The following DIAPH3 variants were observed in gnomAD, a reference collection of about 807,000 sequenced individuals.
DIAPH3 encodes the protein protein diaphanous homolog 3.
In DIAPH3, 117 loss-of-function variants were observed where a neutral mutation model predicts 144.3. The observed-to-expected ratio is 0.81, with a 90% CI of 0.70 to 0.95. DIAPH3 has a LOEUF of 0.95. Ranked by LOEUF, DIAPH3 falls within the 40% of genes least tolerant of loss-of-function variation. The pLI is 0.00. For missense variants in DIAPH3, 1,421 were observed against 1,412.7 expected, an observed-to-expected ratio of 1.01 and a Z score of -0.09; for synonymous variants, 519 against 488.9, an observed-to-expected ratio of 1.06 and a Z score of -0.81.
intron 27 of DIAPH3, among the ~76,000 whole-genome samples, chr13:59,693,046 G>T (rs2138698394): frequency 6.6e-6 from 1 of 152,246 alleles, no homozygotes; most frequent in African/African-American, 2.4e-5. Flanking sequence ...AGTTTTAGAG[G>T]GAAGGCAGTC....
At chr13:60,162,876 A>T (rs1267676872) in intron 1 of DIAPH3, among the ~76,000 whole-genome samples, 2 of 151,064 alleles carry the variant, frequency 1.3e-5, no homozygotes, top group African/African-American at 4.9e-5. Context: ...AAAATGGTGG[A>T]GTGGTCAATG....
At chr13:60,077,470 G>A (rs552212571) in intron 4 of DIAPH3, among the ~76,000 whole-genome samples, 4 of 152,120 alleles carry the variant, frequency 2.6e-5, no homozygotes, top group South Asian at 2.1e-4. Flanking sequence ...GAGATTACAC[G>A]CACACACAGT....
At chr13:59,924,122 T>G (rs1215822035) in intron 18 of DIAPH3, among the ~76,000 whole-genome samples, 1 of 152,216 alleles carries the variant, frequency 6.6e-6, no homozygotes, top group East Asian at 1.9e-4. Context: ...GTATATCATC[T>G]CTAAGCATAA....
chr13:60,107,264 GA>G (rs1216737495), intron 3 of DIAPH3, among the ~76,000 whole-genome samples: 9 of 144,976 alleles, frequency 6.2e-5, no homozygotes, highest in Non-Finnish European at 7.6e-5. Context: ...TATACAGACA[GA>G]AAAAAAAAAG....
At chr13:60,073,389 T>C (rs147985672) in intron 4 of DIAPH3, among the ~76,000 whole-genome samples, 17 of 152,244 alleles carry the variant, frequency 1.1e-4, no homozygotes, top group African/African-American at 4.1e-4. Flanking sequence ...TGGCATTTCC[T>C]AGTAAATGAA....
intron 20 of DIAPH3, among the ~76,000 whole-genome samples, chr13:59,910,218 T>C (rs1031994626): frequency 6.7e-6 from 1 of 149,780 alleles, no homozygotes; most frequent in African/African-American, 2.4e-5. Flanking sequence ...AAAAATGTAA[T>C]GCAAATTCTC....
At chr13:60,121,676 G>A (rs2058848408) in intron 2 of DIAPH3, among the ~76,000 whole-genome samples, 1 of 152,176 alleles carries the variant, frequency 6.6e-6, no homozygotes, top group Non-Finnish European at 1.5e-5. Context: ...GTTCCAAAGG[G>A]CAAAGTAGGA....
At chr13:59,989,776 T>C (rs1271978297) in intron 12 of DIAPH3, among the ~76,000 whole-genome samples, 2 of 151,908 alleles carry the variant, frequency 1.3e-5, no homozygotes, top group Non-Finnish European at 2.9e-5. Flanking sequence ...ACATGCTCTC[T>C]TGGGGCACAG....
At chr13:59,714,921 A>C (rs1408093667) in intron 27 of DIAPH3, among the ~76,000 whole-genome samples, 5 of 152,172 alleles carry the variant, frequency 3.3e-5, no homozygotes, top group Admixed American at 6.5e-5. Context: ...GTCCAAAAAA[A>C]CCAAAAAAGT....
At chr13:59,928,313 G>C (rs2047853646) in intron 17 of DIAPH3, among the ~76,000 whole-genome samples, 1 of 151,406 alleles carries the variant, frequency 6.6e-6, no homozygotes, top group South Asian at 2.1e-4. Flanking sequence ...TTGTCTACTT[G>C]TGTTCTCTGC....
intron 3 of DIAPH3, among the ~76,000 whole-genome samples, chr13:60,107,583 T>C (rs963472134): frequency 2.6e-5 from 4 of 152,180 alleles, no homozygotes; most frequent in Non-Finnish European, 4.4e-5. Context: ...AGCCAATGTA[T>C]GTATTAAATA....
chr13:60,089,034 T>C (rs1013725312), intron 4 of DIAPH3, among the ~76,000 whole-genome samples: 4 of 152,228 alleles, frequency 2.6e-5, no homozygotes, highest in Non-Finnish European at 4.4e-5. Flanking sequence ...TTTAATTGTA[T>C]ATAAATTAAT....
At chr13:59,945,576 C>T (rs2048754616) in intron 17 of DIAPH3, among the ~76,000 whole-genome samples, 1 of 151,364 alleles carries the variant, frequency 6.6e-6, no homozygotes, top group Non-Finnish European at 1.5e-5. Context: ...TAGCAGCTAG[C>T]CTTGAGGGAA....
chr13:60,000,255 A>G (rs1014063623), intron 9 of DIAPH3, among the ~76,000 whole-genome samples: 2 of 152,154 alleles, frequency 1.3e-5, no homozygotes, highest in Non-Finnish European at 2.9e-5. Context: ...CATACCAACC[A>G]TCAATCACCC....
chr13:60,096,983 C>T (rs909571509), intron 3 of DIAPH3, among the ~76,000 whole-genome samples: 2 of 152,286 alleles, frequency 1.3e-5, no homozygotes, highest in African/African-American at 4.8e-5. Flanking sequence ...AATAAATCCC[C>T]TCTCATATAG....
chr13:60,129,360 A>G (rs555219635), intron 2 of DIAPH3, among the ~76,000 whole-genome samples: 268 of 152,344 alleles, frequency 1.8e-3, no homozygotes, highest in African/African-American at 6.0e-3. Flanking sequence ...CACTTTATAC[A>G]AAGAGAATGC....
intron 24 of DIAPH3, among the ~76,000 whole-genome samples, chr13:59,822,907 A>ATT (rs137972755): frequency 0.043 from 6,482 of 150,818 alleles, 234 homozygotes; most frequent in South Asian, 0.11. Flanking sequence ...CATTTTATTC[A>ATT]TTTTTTTTTG....
At chr13:60,010,110 C>T (rs2053144389) in intron 8 of DIAPH3, among the ~76,000 whole-genome samples, 1 of 152,062 alleles carries the variant, frequency 6.6e-6, no homozygotes. Context: ...TCTAATCTGC[C>T]TTATATATAG....
At chr13:60,160,275 T>G (rs1193867390) in intron 1 of DIAPH3, among the ~76,000 whole-genome samples, 1 of 152,178 alleles carries the variant, frequency 6.6e-6, no homozygotes, top group African/African-American at 2.4e-5. Context: ...CTGAAGGTAC[T>G]ACAATGACAT....
Sources: gnomAD v4.1 joint callset for allele counts (sites outside exome capture counted in the v4.1 genomes callset) on GRCh38, gnomAD v4.1.1 for gene constraint, MANE v1.5 for transcripts, NCBI Gene and HGNC (gene_info 2026-07-23, HGNC 2026-07-21) for gene names.